Variants in PDE4D observed in about 807,000 individuals in gnomAD.
PDE4D encodes 3',5'-cyclic-AMP phosphodiesterase 4D.
A neutral mutation model predicts 87.4 loss-of-function variants in PDE4D; 24 were observed. The ratio of observed to expected loss-of-function variants is 0.27; its 90% CI spans 0.20 to 0.39. The LOEUF is 0.39. Ranked by LOEUF, PDE4D falls within the 10% of genes least tolerant of loss-of-function variation. PDE4D has a pLI of 1.00. For synonymous variants in PDE4D, 384 were observed against 383.2 expected, an observed-to-expected ratio of 1.00 and a Z score of -0.02; for missense variants, 714 against 1,041.0, an observed-to-expected ratio of 0.69 and a Z score of 4.32.
intron 1 of PDE4D, among the ~76,000 whole-genome samples, chr5:59,756,509 TAC>T (rs3062590): frequency 0.16 from 23,350 of 144,836 alleles, 2,298 homozygotes; most frequent in African/African-American, 0.29. Flanking sequence ...ACCCAAAACA[TAC>T]ACACACACAC....
rs113012813 is a variant in PDE4D, at chr5:59,449,945, C to G, written c.456-233977G>C. 7.2e-5 allele frequency among the ~76,000 whole-genome samples: 11 copies of G among 152,296 alleles called. 2 individuals carry two copies. The highest frequency in any genetic ancestry group is 2.6e-4 in the African/African-American group (11 of 41,574). Reference sequence around the variant, plus strand: ...GAACTATTAATAATAGCTAACATTGCAGCTACCCAAGGGCACACATATCTC... The same window carrying G: ...GAACTATTAATAATAGCTAACATTGGAGCTACCCAAGGGCACACATATCTC... On this transcript the variant is annotated intron_variant, in intron 1 of 14. Transcript: ENST00000340635.
intron 1 of PDE4D, among the ~76,000 whole-genome samples, chr5:60,501,438 G>A (rs1359884421): frequency 6.6e-6 from 1 of 151,822 alleles, no homozygotes; most frequent in East Asian, 1.9e-4. Context: ...CTTTGCTATT[G>A]TGAATAGAGC....
At chr5:59,658,141 C>T (rs1465200916) in intron 1 of PDE4D, among the ~76,000 whole-genome samples, 2 of 152,038 alleles carry the variant, frequency 1.3e-5, no homozygotes, top group Admixed American at 6.5e-5. Context: ...ATTTACTGTT[C>T]GCTTACTCTA....
At chr5:59,918,976 C>A (rs1189441549) in intron 3 of PDE4D, among the ~76,000 whole-genome samples, 3 of 151,876 alleles carry the variant, frequency 2.0e-5, no homozygotes, top group East Asian at 1.9e-4. Flanking sequence ...TTCAAGGAAG[C>A]AAAATTATTC....
intron 1 of PDE4D, among the ~76,000 whole-genome samples, chr5:60,475,070 C>A (rs1414282937): frequency 5.3e-5 from 8 of 152,000 alleles, no homozygotes; most frequent in Admixed American, 5.2e-4. Flanking sequence ...TTAGAAAGTT[C>A]TAGATAGAAA....
chr5:59,606,588 T>C (rs1828238191), intron 1 of PDE4D, among the ~76,000 whole-genome samples: 1 of 152,102 alleles, frequency 6.6e-6, no homozygotes, highest in Admixed American at 6.6e-5. Context: ...CCCACCATAC[T>C]GGGAGACCAG....
intron 1 of PDE4D, among the ~76,000 whole-genome samples, chr5:59,817,088 C>T (rs892700365): frequency 3.3e-5 from 5 of 152,206 alleles, no homozygotes; most frequent in Non-Finnish European, 5.9e-5. Context: ...TGTGCTGCTC[C>T]ACCTCCTTCT....
chr5:60,422,652 C>T (rs1448783569), intron 1 of PDE4D, among the ~76,000 whole-genome samples: 2 of 152,218 alleles, frequency 1.3e-5, no homozygotes, highest in Non-Finnish European at 2.9e-5. Context: ...GGCAAAATAA[C>T]CAGCTAACAT....
chr5:59,142,692 T>A (rs1778057174), intron 5 of PDE4D, among the ~76,000 whole-genome samples: 1 of 152,208 alleles, frequency 6.6e-6, no homozygotes, highest in Admixed American at 6.5e-5. Context: ...ATCCCAGCAC[T>A]TTGGGAGGCC....
intron 1 of PDE4D, among the ~76,000 whole-genome samples, chr5:60,427,847 G>A (rs1743852442): frequency 6.6e-6 from 1 of 152,136 alleles, no homozygotes; most frequent in South Asian, 2.1e-4. Flanking sequence ...AGAGCAGGGA[G>A]GATCATTTGA....
upstream of PDE4D, chr5:60,490,582 G>A (rs1325775058): frequency 6.6e-6 from 1 of 152,156 alleles, no homozygotes; most frequent in Non-Finnish European, 1.5e-5. Flanking sequence ...AGCAGGTTCT[G>A]GCTAGAGAGA....
At chr5:59,165,089 A>G (rs1455038630) in intron 5 of PDE4D, 2 of 152,156 alleles carry the variant, frequency 1.3e-5, no homozygotes, top group Non-Finnish European at 2.9e-5. Context: ...ATTCAGTGAG[A>G]AATAAATTAA....
chr5:59,401,609 C>G (rs956301511), intron 1 of PDE4D, among the ~76,000 whole-genome samples: 4 of 152,050 alleles, frequency 2.6e-5, no homozygotes, highest in Non-Finnish European at 5.9e-5. Flanking sequence ...GTGTGGAACT[C>G]TGGGGTATTA....
intron 4 of PDE4D, among the ~76,000 whole-genome samples, chr5:59,181,854 T>G (rs530864492): frequency 6.6e-6 from 1 of 152,248 alleles, no homozygotes; most frequent in Admixed American, 6.5e-5. Flanking sequence ...TAGTTTGAGA[T>G]GTTTTTGTGG....
At chr5:60,423,096 G>A (rs1743285428) in intron 1 of PDE4D, among the ~76,000 whole-genome samples, 1 of 152,142 alleles carries the variant, frequency 6.6e-6, no homozygotes, top group Admixed American at 6.5e-5. Context: ...ATAATAATGG[G>A]ACACTTTAAC....
upstream of PDE4D, among the ~76,000 whole-genome samples, chr5:60,488,797 G>C (rs887350576): frequency 2.6e-5 from 4 of 152,124 alleles, no homozygotes; most frequent in African/African-American, 9.7e-5. Flanking sequence ...TCTATGTTCA[G>C]AGAGAAAATT....
intron 3 of PDE4D, among the ~76,000 whole-genome samples, chr5:59,189,244 G>GTTTTTTTTTTT (rs1392753870): frequency 2.2e-5 from 2 of 91,390 alleles, no homozygotes; most frequent in African/African-American, 4.6e-5. Flanking sequence ...TTTTTTTTTT[G>GTTTTTTTTTTT]TTTTTTTTGT....
intron 1 of PDE4D, among the ~76,000 whole-genome samples, chr5:59,408,309 C>G (rs989909146): frequency 1.3e-5 from 2 of 152,142 alleles, no homozygotes; most frequent in African/African-American, 4.8e-5. Context: ...AAGCTGTAAG[C>G]CTTTGTGGCT....
At chr5:59,987,528 A>T (rs1762567809) in intron 3 of PDE4D, 1 of 152,162 alleles carries the variant, frequency 6.6e-6, no homozygotes, top group Admixed American at 6.5e-5. Context: ...TACTAGCCAA[A>T]TTTCCTCTGA....
Sources: allele counts gnomAD v4.1 joint callset (sites outside exome capture counted in the v4.1 genomes callset), GRCh38; gene constraint gnomAD v4.1.1; transcripts MANE v1.5; gene names NCBI Gene and HGNC (gene_info 2026-07-23, HGNC 2026-07-21).